The following RARB variants were observed in gnomAD, a reference collection of about 807,000 sequenced individuals.
RARB encodes the protein retinoic acid receptor beta, also known as HBV-activated protein.
A neutral mutation model predicts 51.9 loss-of-function variants in RARB; 17 were observed. The observed-to-expected ratio is 0.33, with a 90% CI of 0.22 to 0.49. RARB has a LOEUF of 0.49. RARB is among the 20% of genes least tolerant of loss of function. The pLI is 0.99. For missense variants in RARB, 369 were observed against 550.8 expected (o/e 0.67, Z 3.30); for synonymous variants, 215 against 195.4 (o/e 1.10, Z -0.84).
chr3:24,906,201 CT>C (rs762307417), intron 2 of RARB, among the ~76,000 whole-genome samples: 4 of 152,060 alleles, frequency 2.6e-5, no homozygotes, highest in Non-Finnish European at 5.9e-5. Context: ...CTTGCTGTAG[CT>C]AGTAGCTGGG....
chr3:25,028,401 G>T (rs894398316), intron 2 of RARB, among the ~76,000 whole-genome samples: 1 of 152,196 alleles, frequency 6.6e-6, no homozygotes, highest in Non-Finnish European at 1.5e-5. Context: ...TGGACCAGCA[G>T]TATCAGTGTC....
chr3:25,016,380 A>G (rs1026680071), intron 2 of RARB, among the ~76,000 whole-genome samples: 7 of 152,184 alleles, frequency 4.6e-5, no homozygotes, highest in African/African-American at 1.7e-4. Context: ...AGACTGTAGG[A>G]TGTTCAGCAC....
intron 5 of RARB, among the ~76,000 whole-genome samples, chr3:25,334,939 T>G (rs2125447285): frequency 6.6e-6 from 1 of 152,268 alleles, no homozygotes; most frequent in South Asian, 2.1e-4. Flanking sequence ...CAGTGTGAGT[T>G]GTGGAGAATG....
chr3:25,068,870 C>A (rs1167464578), intron 3 of RARB, among the ~76,000 whole-genome samples: 1 of 151,896 alleles, frequency 6.6e-6, no homozygotes, highest in Admixed American at 6.6e-5. Flanking sequence ...CAGAAATGAG[C>A]CTATCAATCA....
At chr3:24,994,988 C>T (rs1354861806) in intron 2 of RARB, among the ~76,000 whole-genome samples, 2 of 151,946 alleles carry the variant, frequency 1.3e-5, no homozygotes, top group Non-Finnish European at 2.9e-5. Context: ...TTTGTGGTTC[C>T]ATAGAAATGT....
At chr3:25,449,441 G>T (rs1302303793) in intron 1 of RARB, among the ~76,000 whole-genome samples, 1 of 151,952 alleles carries the variant, frequency 6.6e-6, no homozygotes, top group East Asian at 1.9e-4. Context: ...TTTTACTTTT[G>T]TTCTTTATGC....
At chr3:25,201,790 C>G (rs879303978) in intron 5 of RARB, among the ~76,000 whole-genome samples, 4 of 152,122 alleles carry the variant, frequency 2.6e-5, no homozygotes, top group African/African-American at 9.7e-5. Context: ...CCCACTTGAT[C>G]GTGGTGGATA....
chr3:25,429,024 T>A, intron 1 of RARB, 136 bp downstream of exon 1: 1 of 1,139,310 alleles, frequency 8.8e-7, no homozygotes, highest in Non-Finnish European at 1.2e-6. Flanking sequence ...GGGTGTGATA[T>A]GCTGGCATGC....
At chr3:25,073,978 C>T (rs1286649558) in intron 3 of RARB, among the ~76,000 whole-genome samples, 1 of 152,172 alleles carries the variant, frequency 6.6e-6, no homozygotes, top group Non-Finnish European at 1.5e-5. Context: ...GTCTATGCCT[C>T]AGTACATGAC....
chr3:25,290,679 GC>G (rs1703764836), intron 5 of RARB, among the ~76,000 whole-genome samples: 1 of 152,192 alleles, frequency 6.6e-6, no homozygotes, highest in Non-Finnish European at 1.5e-5. Flanking sequence ...TCCTGCTCAT[GC>G]AATTCACCTC....
At chr3:24,925,073 G>A (rs547518694) in intron 2 of RARB, among the ~76,000 whole-genome samples, 1 of 152,108 alleles carries the variant, frequency 6.6e-6, no homozygotes, top group Non-Finnish European at 1.5e-5. Flanking sequence ...GGCAAATCTT[G>A]GCATTCTCAT....
chr3:24,911,800 A>G (rs1174946986), intron 2 of RARB, among the ~76,000 whole-genome samples: 1 of 152,156 alleles, frequency 6.6e-6, no homozygotes, highest in African/African-American at 2.4e-5. Flanking sequence ...AAAAAGTACC[A>G]TATTGTGGAT....
chr3:25,542,952 C>T (rs1056377750), intron 3 of RARB, among the ~76,000 whole-genome samples: 1 of 152,196 alleles, frequency 6.6e-6, no homozygotes, highest in African/African-American at 2.4e-5. Flanking sequence ...GATTCCCAAG[C>T]CTGTGCTCTT....
In RARB at chr3:24,848,156, C is replaced by T. The variant is rs533800433; in HGVS notation, c.-458-10518C>T. ...CTCATTGCAACCTCTGCCTCCTGAG[C>T]TCAAAGGATCCTCCCACCTCAACCT... On this transcript the variant is annotated intron_variant, in intron 1 of 11. Transcript: ENST00000383772. Among the ~76,000 whole-genome samples the T allele has an allele frequency of 2.0e-5, 3 of 152,308 alleles. No homozygotes were observed. In the East Asian group the frequency reaches 5.8e-4, roughly 29 times the overall value.
chr3:24,949,418 G>A lies in RARB; in HGVS notation c.-380+90666G>A, dbSNP rs544629166. On this transcript the variant is annotated intron_variant, in intron 2 of 11. Coordinates refer to the RARB transcript ENST00000383772. ...TTCGCCTACTAAGAAGAGGGTGCACGGTAAAATCGAAGATCAAATAGGAGG... is the reference window on the plus strand; with the variant it reads ...TTCGCCTACTAAGAAGAGGGTGCACAGTAAAATCGAAGATCAAATAGGAGG... Among the ~76,000 whole-genome samples, 345 of 152,158 alleles carry A rather than the reference G, an allele frequency of 2.3e-3. 1 individual carries two copies. The highest frequency in any genetic ancestry group is 5.4e-3 in the South Asian group (26 of 4,812).
At chr3:25,256,338 A>G (rs1425139581) in intron 5 of RARB, among the ~76,000 whole-genome samples, 2 of 152,142 alleles carry the variant, frequency 1.3e-5, no homozygotes. Context: ...ACCTTTACTT[A>G]TCTCCTTTTT....
intron 3 of RARB, among the ~76,000 whole-genome samples, chr3:25,106,006 A>G (rs7622091): frequency 0.55 from 83,768 of 152,026 alleles, 23,841 homozygotes; most frequent in East Asian, 0.84. Flanking sequence ...CAGATCATTT[A>G]GACTGCAGTA....
chr3:25,400,247 A>G (rs567137747), intron 5 of RARB, among the ~76,000 whole-genome samples: 1 of 152,268 alleles, frequency 6.6e-6, no homozygotes, highest in African/African-American at 2.4e-5. Context: ...ATTCTTTCCC[A>G]CACAAAAGTT....
At chr3:24,916,946 A>AT (rs1695119639) in intron 2 of RARB, among the ~76,000 whole-genome samples, 1 of 152,200 alleles carries the variant, frequency 6.6e-6, no homozygotes, top group African/African-American at 2.4e-5. Flanking sequence ...TGGAAGAAAC[A>AT]TAACACAAAC....
Sources: gnomAD v4.1 joint callset for allele counts (sites outside exome capture counted in the v4.1 genomes callset) on GRCh38, gnomAD v4.1.1 for gene constraint, MANE v1.5 for transcripts, NCBI Gene and HGNC (gene_info 2026-07-23, HGNC 2026-07-21) for gene names.